DCTN4: variants seen among roughly 807,000 people sequenced by gnomAD.
DCTN4 encodes dynactin 4 (p62).
DCTN4 carries 23 observed loss-of-function variants against 62.7 expected under a neutral mutation model. The ratio of observed to expected loss-of-function variants is 0.37; its 90% CI spans 0.26 to 0.52. The LOEUF is 0.52. DCTN4 is among the 20% of genes least tolerant of loss of function. DCTN4 has a pLI of 0.92. For synonymous variants in DCTN4, 199 were observed against 202.1 expected, an observed-to-expected ratio of 0.98 and a Z score of 0.13; for missense variants, 514 against 580.4, an observed-to-expected ratio of 0.89 and a Z score of 1.18.
rs748796433 is a variant in DCTN4, at chr5:150,758,862, G to A, written c.132C>T (p.His44=). Residue 44 remains histidine, a synonymous_variant, in exon 1 of 13, where the codon CAC becomes CAT. Transcript: ENST00000447998. ...SELRSLECVS[H]EVDSHYCPSC... Reference sequence around the variant, plus strand: ...CGCTATAGGGCGACTCTGTTACCTCGTGAGACACACATTCCAGCGACCGCA... The same window carrying A: ...CGCTATAGGGCGACTCTGTTACCTCATGAGACACACATTCCAGCGACCGCA... 4 of 1,613,592 alleles carry A rather than the reference G, an allele frequency of 2.5e-6. No individual in the cohort carries two copies. Among genetic ancestry groups the A allele is most frequent in the Non-Finnish European group, 2.5e-6 (3 of 1,179,894 alleles).
intron 5 of DCTN4, chr5:150,731,911 A>C: frequency 6.4e-7 from 1 of 1,551,782 alleles, no homozygotes; most frequent in South Asian, 1.2e-5. Context: ...ATGTTGCTGT[A>C]GAGCCCCAAA....
At chr5:150,740,023 G>C (rs561356641) in intron 4 of DCTN4, among the ~76,000 whole-genome samples, 1 of 152,158 alleles carries the variant, frequency 6.6e-6, no homozygotes. Flanking sequence ...CTTAGGCAAA[G>C]ACTTCATTAC....
chr5:150,740,210 A>G (rs1374629524), intron 4 of DCTN4, among the ~76,000 whole-genome samples: 1 of 152,210 alleles, frequency 6.6e-6, no homozygotes, highest in Non-Finnish European at 1.5e-5. Flanking sequence ...CAAGACACTC[A>G]AACAAATCAG....
chr5:150,730,596 G>A (rs760400850), intron 8 of DCTN4, 35 bp downstream of exon 8: 1 of 1,580,056 alleles, frequency 6.3e-7, no homozygotes, highest in Admixed American at 1.7e-5. Flanking sequence ...CTTTCCTCTT[G>A]TACAAATGGT....
chr5:150,718,185 A>G, intron 11 of DCTN4, 91 bp downstream of exon 11: 1 of 782,414 alleles, frequency 1.3e-6, no homozygotes, highest in Non-Finnish European at 2.1e-6. Context: ...TAGATGTGGA[A>G]AGGAGAGTGT....
chr5:150,733,312 A>T, intron 5 of DCTN4, 56 bp downstream of exon 5: 5 of 1,252,700 alleles, frequency 4.0e-6, no homozygotes, highest in Non-Finnish European at 5.7e-6. Context: ...TTCTGAAATG[A>T]TCACTGTTCT....
In DCTN4 at chr5:150,731,762, T is replaced by C. The variant is rs928483113; in HGVS notation, c.538-273A>G. The C allele has an allele frequency of 4.4e-6, 4 of 906,296 alleles. No individual in the cohort carries two copies. In the African/African-American group the frequency reaches 6.7e-5, roughly 15 times the overall value. The allele number at this position is 906,296 out of a possible 1,614,324, so 56.1% of individuals were successfully genotyped here. On this transcript the variant is annotated intron_variant, in intron 5 of 12. Coordinates refer to ENST00000447998, the MANE Select transcript of DCTN4 (RefSeq NM_016221.4). The stretch of plus-strand genomic sequence containing the variant: ...CTTCTGCTAGTAATCTAAAAGTATC[T>C]AAGCTACGGCTCAGGCAAGAACTAT...
Position 150,731,146 on chromosome 5 carries a change from C to T in DCTN4, c.622G>A (p.Gly208Arg). 6.2e-7 allele frequency: 1 copy of T among 1,607,176 alleles called. No individual in the cohort carries two copies. Among genetic ancestry groups the T allele is most frequent in the Non-Finnish European group, 8.5e-7 (1 of 1,174,640 alleles). Residue 208 changes from glycine to arginine, a missense_variant, in exon 7 of 13, where the codon GGA becomes AGA. Coordinates refer to ENST00000447998, the MANE Select transcript of DCTN4 (RefSeq NM_016221.4). ...STLAGLSLKE[G>R]EDQKEIKIEP... The stretch of plus-strand genomic sequence containing the variant: ...ATCTTTATCTCTTTCTGATCCTCTC[C>T]TTCTTTAAGGCTGAAAAATTAAAAA...
At chr5:150,732,516 T>C (rs1307373198) in intron 5 of DCTN4, among the ~76,000 whole-genome samples, 4 of 152,240 alleles carry the variant, frequency 2.6e-5, no homozygotes, top group East Asian at 1.9e-4. Context: ...CTAATTTTCA[T>C]GTGGATGCAG....
rs972952257 is a variant in DCTN4 at position 150,708,653 on chromosome 5, C to T, written c.*2496G>A. ...AGGAATGGAAGGGAGCATGCCCCACCAACTCTCTTAGCCAACTCTCTTAAC... is the reference window on the plus strand; with the variant it reads ...AGGAATGGAAGGGAGCATGCCCCACTAACTCTCTTAGCCAACTCTCTTAAC... On this transcript the variant is annotated 3_prime_UTR_variant, in exon 13 of 13. Coordinates refer to ENST00000447998, the MANE Select transcript of DCTN4 (RefSeq NM_016221.4). The T allele has an allele frequency of 6.5e-6, 1 of 152,762 alleles. No homozygotes were observed. Among genetic ancestry groups the T allele is most frequent in the Admixed American group, 6.5e-5 (1 of 15,284 alleles). 9.5% of individuals were successfully genotyped at this position (152,762 alleles called of 1,614,324 possible).
chr5:150,720,809 T>A (rs901985692), intron 9 of DCTN4, among the ~76,000 whole-genome samples: 7 of 152,180 alleles, frequency 4.6e-5, no homozygotes, highest in African/African-American at 7.2e-5. Context: ...AGCCAGGCAA[T>A]TCTAAAATGA....
chr5:150,728,873 C>A (rs57099650), intron 8 of DCTN4, among the ~76,000 whole-genome samples: 1 of 150,766 alleles, frequency 6.6e-6, no homozygotes, highest in Non-Finnish European at 1.5e-5. Flanking sequence ...TCTTACCACA[C>A]ACAATCTTTT....
At chr5:150,751,530 T>C (rs1379370438) in intron 3 of DCTN4, among the ~76,000 whole-genome samples, 2 of 152,262 alleles carry the variant, frequency 1.3e-5, no homozygotes, top group South Asian at 2.1e-4. Flanking sequence ...TTTAGTTCAC[T>C]GAGGCCTACA....
At chr5:150,733,688 G>A in intron 4 of DCTN4, 1 of 436,100 alleles carries the variant, frequency 2.3e-6, no homozygotes, top group Non-Finnish European at 4.1e-6. Context: ...GGAAGAAATG[G>A]GCAATGAAGA....
chr5:150,731,800 A>C (rs1760380546), intron 5 of DCTN4: 3 of 1,261,926 alleles, frequency 2.4e-6, no homozygotes, highest in Non-Finnish European at 3.4e-6. Flanking sequence ...GGAGTGTCTA[A>C]GATACACAAC....
intron 3 of DCTN4, among the ~76,000 whole-genome samples, chr5:150,751,948 G>A (rs992665468): frequency 2.0e-5 from 3 of 152,112 alleles, no homozygotes; most frequent in Admixed American, 1.3e-4. Flanking sequence ...TAGCCAGTCT[G>A]CTTCATTTTA....
chr5:150,735,636 T>C (rs762592510), intron 4 of DCTN4, among the ~76,000 whole-genome samples: 1 of 152,138 alleles, frequency 6.6e-6, no homozygotes, highest in Non-Finnish European at 1.5e-5. Flanking sequence ...AACAATGTCG[T>C]AGGACAAAAT....
In DCTN4 at chr5:150,755,665, G is replaced by A. The variant is rs115233933; in HGVS notation, c.206+752C>T. 2.3e-3 allele frequency: 967 copies of A among 428,312 alleles called. 10 individuals carry two copies. The highest frequency in any genetic ancestry group is 0.019 in the African/African-American group (918 of 48,710). 26.5% of individuals were successfully genotyped at this position (428,312 alleles called of 1,614,324 possible). A position where few individuals can be genotyped will look rare whatever the true frequency, so the allele number is the denominator to read the frequency against. ...ATACTTTTGAGGTCATCAAAACCAA[G>A]GAAATTTTAAGATTCTCCTATCACA... On this transcript the variant is annotated intron_variant, in intron 2 of 12. Coordinates refer to ENST00000447998, the MANE Select transcript of DCTN4 (RefSeq NM_016221.4).
chr5:150,751,096 A>C (rs1752655897), intron 3 of DCTN4, among the ~76,000 whole-genome samples: 1 of 152,138 alleles, frequency 6.6e-6, no homozygotes, highest in South Asian at 2.1e-4. Flanking sequence ...ATTTTATCTA[A>C]TTGCTTCTTT....
Sources: gnomAD v4.1 joint callset for allele counts (sites outside exome capture counted in the v4.1 genomes callset) on GRCh38, gnomAD v4.1.1 for gene constraint, MANE v1.5 for transcripts, NCBI Gene and HGNC (gene_info 2026-07-23, HGNC 2026-07-21) for gene names.